The following AKNA variants were observed in gnomAD, a reference collection of about 807,000 sequenced individuals.
AKNA encodes AT-hook transcription factor, also known as microtubule organization protein AKNA.
A neutral mutation model predicts 138.8 loss-of-function variants in AKNA; 67 were observed. The observed-to-expected ratio is 0.48, with a 90% CI of 0.40 to 0.59. The LOEUF is 0.59. Ranked by LOEUF, AKNA falls within the 20% of genes least tolerant of loss-of-function variation. AKNA has a pLI of 0.00. For missense variants in AKNA, 1,813 were observed against 1,880.4 expected (o/e 0.96, Z 0.66); for synonymous variants, 737 against 754.4 (o/e 0.98, Z 0.38).
chr9:114,367,416 T>C lies in AKNA; in HGVS notation c.1728+127A>G, dbSNP rs531799661. The stretch of plus-strand genomic sequence containing the variant: ...GCTCATGTTTTGGGGATGGCTGAGT[T>C]AACTCGGTGCAGAGGCAGGGGAATG... On this transcript the variant is annotated intron_variant, in intron 6 of 21. Coordinates refer to ENST00000374088, the MANE Select transcript of AKNA (RefSeq NM_001317950.2). 1.9e-5 allele frequency: 23 copies of C among 1,192,374 alleles called. No homozygotes were observed. The East Asian group carries it at 3.9e-4, about 20-fold the overall frequency. The allele number at this position is 1,192,374 out of a possible 1,614,324, so 73.9% of individuals were successfully genotyped here.
chr9:114,369,325 T>G (rs923640114), intron 4 of AKNA, among the ~76,000 whole-genome samples: 2 of 152,210 alleles, frequency 1.3e-5, no homozygotes, highest in South Asian at 4.1e-4. Flanking sequence ...AAGAAGGTTT[T>G]ATTGAACACA....
intron 4 of AKNA, 98 bp from the exon 5 acceptor site, chr9:114,368,693 G>C: frequency 1.9e-6 from 2 of 1,062,562 alleles, no homozygotes; most frequent in Non-Finnish European, 2.4e-6. Flanking sequence ...CACATGCCCT[G>C]TAGTAATAAA....
In AKNA at chr9:114,342,170, C is replaced by A. The variant is rs149116222; in HGVS notation, c.3758-45G>T. Reference sequence around the variant, plus strand: ...TGTCAGGGGAGGATTACATCTAAATCATCAGATCAGGAGCCCCCATGCAGG... The same window carrying A: ...TGTCAGGGGAGGATTACATCTAAATAATCAGATCAGGAGCCCCCATGCAGG... On this transcript the variant is annotated intron_variant, in intron 19 of 21. Coordinates refer to ENST00000374088, the MANE Select transcript of AKNA (RefSeq NM_001317950.2). 9,003 of 1,427,144 alleles carry A rather than the reference C, an allele frequency of 6.3e-3. 45 individuals are homozygous for A. Among genetic ancestry groups the A allele is most frequent in the Non-Finnish European group, 7.7e-3 (8,183 of 1,057,532 alleles). The allele number at this position is 1,427,144 out of a possible 1,614,324, so 88.4% of individuals were successfully genotyped here.
chr9:114,363,201 G>A (rs578061541), intron 7 of AKNA, among the ~76,000 whole-genome samples: 1 of 152,358 alleles, frequency 6.6e-6, no homozygotes, highest in East Asian at 1.9e-4. Context: ...ACAGGATGTG[G>A]GCCCAGGCCC....
chr9:114,381,916 T>C (rs982004877), intron 1 of AKNA, among the ~76,000 whole-genome samples: 4 of 152,164 alleles, frequency 2.6e-5, no homozygotes, highest in Admixed American at 2.6e-4. Context: ...CCCAAAGTGC[T>C]GGGATTACAG....
chr9:114,340,275 C>T (rs559352100), intron 21 of AKNA, among the ~76,000 whole-genome samples: 3 of 152,318 alleles, frequency 2.0e-5, no homozygotes, highest in Non-Finnish European at 4.4e-5. Flanking sequence ...CCACTGAAGA[C>T]ATCCAGTCCC....
intron 4 of AKNA, among the ~76,000 whole-genome samples, chr9:114,370,396 C>T (rs1832686191): frequency 6.6e-6 from 1 of 152,206 alleles, no homozygotes; most frequent in Non-Finnish European, 1.5e-5. Flanking sequence ...TCAGGCCCCA[C>T]CTAGGGAGTG....
At chr9:114,385,750 C>A (rs149800921) in intron 1 of AKNA, among the ~76,000 whole-genome samples, 11 of 152,288 alleles carry the variant, frequency 7.2e-5, no homozygotes, top group African/African-American at 2.4e-4. Context: ...GCCTTCCATG[C>A]GAGCCATGGC....
downstream of AKNA, among the ~76,000 whole-genome samples, chr9:114,333,975 C>G: frequency 7.6e-6 from 1 of 131,578 alleles, no homozygotes; most frequent in African/African-American, 3.0e-5. Context: ...CTGTTTCTCA[C>G]AAGGTCTCAT....
chr9:114,372,459 C>A (rs1448000192), intron 4 of AKNA, among the ~76,000 whole-genome samples: 1 of 152,194 alleles, frequency 6.6e-6, no homozygotes, highest in Admixed American at 6.5e-5. Context: ...GCAGTAAACA[C>A]CTTTATAATA....
upstream of AKNA, among the ~76,000 whole-genome samples, chr9:114,390,441 C>T (rs1157354664): frequency 6.6e-6 from 1 of 152,102 alleles, no homozygotes; most frequent in Non-Finnish European, 1.5e-5. Flanking sequence ...TTTTCCCTTA[C>T]ATCCCATAAC....
rs777908685 is a variant in AKNA, at chr9:114,347,813, C to T, written c.3309G>A (p.Pro1103=). ...DSLHQPLQGS[P]TRPASAFDRP... ...GGTCAAAGGCAGATGCTGGGCGTGT[C>T]GGGCTGCCCTGGAGTGGCTGGTGCA... Residue 1103 remains proline (P), a synonymous_variant, in exon 16 of 22, where the codon CCG becomes CCA. Transcript: ENST00000374088. 1.8e-5 allele frequency: 28 copies of T among 1,551,682 alleles called. No individual in the cohort carries two copies. Among genetic ancestry groups the T allele is most frequent in the East Asian group, 1.2e-4 (5 of 40,758 alleles).
chr9:114,375,117 C>T (rs1429597404), intron 3 of AKNA, among the ~76,000 whole-genome samples: 2 of 152,178 alleles, frequency 1.3e-5, no homozygotes, highest in Non-Finnish European at 2.9e-5. Flanking sequence ...GCCCGTGGAG[C>T]TCATGGTCTG....
rs566320740 is a variant in AKNA, at chr9:114,377,195, C to T, written c.612G>A (p.Gly204=). ...CACTAGGGTGGTCGAGGCTCACTGT[C>T]CCACTGCTCCAGGACCTTGCCGGGC... The part of the protein sequence containing the change: ...ELSPARSWSS[G]TVSLDHPSDS... Residue 204 remains glycine, a synonymous_variant, in exon 3 of 22, where the codon GGG becomes GGA. Coordinates refer to ENST00000374088, the MANE Select transcript of AKNA (RefSeq NM_001317950.2). The T allele has an allele frequency of 1.8e-5, 29 of 1,614,176 alleles. No individual in the cohort carries two copies. Among genetic ancestry groups the T allele is most frequent in the South Asian group, 5.5e-5 (5 of 91,086 alleles).
chr9:114,390,736 C>T (rs1475486494), upstream of AKNA, among the ~76,000 whole-genome samples: 1 of 152,208 alleles, frequency 6.6e-6, no homozygotes, highest in Non-Finnish European at 1.5e-5. Context: ...CCTCTCTGCC[C>T]TTGCTCAGCA....
intron 18 of AKNA, 56 bp downstream of exon 18, chr9:114,345,807 G>A: frequency 6.4e-7 from 1 of 1,563,814 alleles, no homozygotes. Context: ...TCATAACAGA[G>A]GAGCCCCCGC....
chr9:114,340,129 A>G (rs1020455997), intron 21 of AKNA, among the ~76,000 whole-genome samples: 5 of 152,166 alleles, frequency 3.3e-5, no homozygotes, highest in African/African-American at 1.2e-4. Context: ...AAATTTTTAA[A>G]AGCACATTTA....
At chr9:114,355,177 CTTTT>C (rs901443083) in intron 14 of AKNA, among the ~76,000 whole-genome samples, 3 of 102,104 alleles carry the variant, frequency 2.9e-5, no homozygotes, top group Non-Finnish European at 2.0e-5. Flanking sequence ...CTGTACTGTA[CTTTT>C]TTTTTTTTTT....
rs1171437600 is a variant in AKNA at position 114,364,492 on chromosome 9, A to T, written c.1788+68T>A. ...TCTGTCTTGCAGCAAAGAAGGCTTC[A>T]GAGACAGAGTCATGGGAGACAGTGG... On this transcript the variant is annotated intron_variant, in intron 7 of 21. Coordinates refer to ENST00000374088, the MANE Select transcript of AKNA (RefSeq NM_001317950.2). 7 of 1,535,790 alleles carry T rather than the reference A, an allele frequency of 4.6e-6. No individual in the cohort carries two copies. In the African/African-American group the frequency reaches 9.6e-5, roughly 21 times the overall value.
Sources: gnomAD v4.1 joint callset for allele counts (sites outside exome capture counted in the v4.1 genomes callset) on GRCh38, gnomAD v4.1.1 for gene constraint, MANE v1.5 for transcripts, NCBI Gene and HGNC (gene_info 2026-07-23, HGNC 2026-07-21) for gene names.